The following TMOD1 variants were observed in gnomAD, a reference collection of about 807,000 sequenced individuals.
The protein encoded by TMOD1 is tropomodulin-1.
A neutral mutation model predicts 40.6 loss-of-function variants in TMOD1; 17 were observed. The observed-to-expected ratio is 0.42, with a 90% CI of 0.29 to 0.63. The LOEUF is 0.63. Among genes scored for constraint, TMOD1 ranks in the 20% least tolerant of loss-of-function variants. The probability of loss-of-function intolerance (pLI) is 0.22; values close to 1 mark genes in which losing one functional copy is unlikely to be tolerated. For missense variants in TMOD1, 391 were observed against 447.6 expected (o/e 0.87, Z 1.14); for synonymous variants, 181 against 175.0 (o/e 1.03, Z -0.27).
At chr9:97,581,583 A>G (rs1191848677) in intron 8 of TMOD1, among the ~76,000 whole-genome samples, 1 of 150,970 alleles carries the variant, frequency 6.6e-6, no homozygotes, top group African/African-American at 2.4e-5. Flanking sequence ...GACTTCCACA[A>G]TGGTTGAACT....
At chr9:97,505,624 C>G (rs1243526744) in intron 1 of TMOD1, among the ~76,000 whole-genome samples, 1 of 152,186 alleles carries the variant, frequency 6.6e-6, no homozygotes, top group African/African-American at 2.4e-5. Context: ...CTCTCACAGT[C>G]TCATTCACTC....
chr9:97,555,202 A>G (rs1003485397), intron 4 of TMOD1, among the ~76,000 whole-genome samples: 9 of 152,196 alleles, frequency 5.9e-5, no homozygotes, highest in African/African-American at 1.9e-4. Flanking sequence ...TAGATCCTCC[A>G]TTGAGCCCGT....
rs1587952139 is a variant in TMOD1, at chr9:97,574,106, C to T, written c.870+5069C>T. 3.9e-5 allele frequency among the ~76,000 whole-genome samples: 6 copies of T among 152,344 alleles called. No individual in the cohort carries two copies. In the South Asian group the frequency reaches 1.2e-3, roughly 32 times the overall value. ...TCTCGGCGCCTCCTCAGCCTTGGCG[C>T]CCACTCTGGCCGCGCTTGTGGAGCC... On this transcript the variant is annotated intron_variant, in intron 8 of 9. Transcript: ENST00000259365.
intron 2 of TMOD1, among the ~76,000 whole-genome samples, chr9:97,544,484 C>T (rs575595303): frequency 3.6e-4 from 54 of 150,594 alleles, no homozygotes; most frequent in African/African-American, 1.2e-3. Context: ...TGCATTGAGC[C>T]GAGATCACAC....
chr9:97,581,456 C>G (rs1377476282), intron 8 of TMOD1, among the ~76,000 whole-genome samples: 3 of 152,000 alleles, frequency 2.0e-5, no homozygotes, highest in Non-Finnish European at 4.4e-5. Flanking sequence ...AATAAACATA[C>G]GTGTGCAGGT....
chr9:97,577,572 G>A (rs2131278487), intron 8 of TMOD1, among the ~76,000 whole-genome samples: 1 of 152,260 alleles, frequency 6.6e-6, no homozygotes, highest in East Asian at 1.9e-4. Context: ...TGGATCACTT[G>A]AGGTCAGGAG....
At chr9:97,597,445 T>C (rs112851049) in intron 9 of TMOD1, among the ~76,000 whole-genome samples, 3,794 of 151,240 alleles carry the variant, frequency 0.025, 67 homozygotes, top group Non-Finnish European at 0.039. Flanking sequence ...ACGCCTGTAA[T>C]CCCAGCACTT....
chr9:97,566,848 GAGA>G (rs1830736758), intron 7 of TMOD1, among the ~76,000 whole-genome samples: 1 of 105,020 alleles, frequency 9.5e-6, no homozygotes, highest in Non-Finnish European at 2.3e-5. Flanking sequence ...CATATGTATT[GAGA>G]GTCTCTCTGT....
At chr9:97,579,045 C>T (rs1185401896) in intron 8 of TMOD1, among the ~76,000 whole-genome samples, 1 of 152,148 alleles carries the variant, frequency 6.6e-6, no homozygotes, top group Non-Finnish European at 1.5e-5. Context: ...CAAGGACCGA[C>T]CTGACCTCTT....
At chr9:97,559,680 G>C (rs1358385749) in intron 4 of TMOD1, among the ~76,000 whole-genome samples, 1 of 149,462 alleles carries the variant, frequency 6.7e-6, no homozygotes, top group Admixed American at 6.7e-5. Context: ...CAGGAGAATC[G>C]CTTGAGTCCG....
At chr9:97,542,867 A>G (rs1015921368) in intron 2 of TMOD1, among the ~76,000 whole-genome samples, 8 of 145,066 alleles carry the variant, frequency 5.5e-5, no homozygotes, top group Non-Finnish European at 3.0e-5. Context: ...AAAAAAAAAA[A>G]GGAAGAAAAT....
chr9:97,554,523 C>T lies in TMOD1; in HGVS notation c.397+1123C>T, dbSNP rs1259302575. 1.4e-4 allele frequency among the ~76,000 whole-genome samples: 20 copies of T among 142,818 alleles called. 1 individual carries two copies. The highest frequency in any genetic ancestry group is 1.5e-5 in the Non-Finnish European group (1 of 66,182). 93.7% of individuals were successfully genotyped at this position (142,818 alleles called of 152,430 possible). Reference sequence around the variant, plus strand: ...CAAGCTCCAGAAAGAATACATGGCCCTTGTAGAAGCCTTTGGTGGTGGGGG... The same window carrying T: ...CAAGCTCCAGAAAGAATACATGGCCTTTGTAGAAGCCTTTGGTGGTGGGGG... On this transcript the variant is annotated intron_variant, in intron 4 of 9. Coordinates refer to ENST00000259365, the MANE Select transcript of TMOD1 (RefSeq NM_003275.4).
At position 97,601,244 on chromosome 9, in the gene TMOD1, T is replaced by G; in HGVS notation, c.*1546T>G. On this transcript the variant is annotated 3_prime_UTR_variant, in exon 10 of 10. Transcript: ENST00000259365. ...AACTGCAATATAATATTAAATCTGT[T>G]GGTCTATGCATGGCTGCGTATGTGT... The G allele has an allele frequency of 8.0e-7, 1 of 1,255,388 alleles. No individual in the cohort carries two copies. The highest frequency in any genetic ancestry group is 1.0e-6 in the Non-Finnish European group (1 of 962,110). The allele number at this position is 1,255,388 out of a possible 1,614,324, so 77.8% of individuals were successfully genotyped here. A position where few individuals can be genotyped will look rare whatever the true frequency, so the allele number is the denominator to read the frequency against.
At chr9:97,521,776 C>G (rs1829920717) in intron 1 of TMOD1, among the ~76,000 whole-genome samples, 1 of 152,206 alleles carries the variant, frequency 6.6e-6, no homozygotes, top group African/African-American at 2.4e-5. Context: ...ATCAAGCCAG[C>G]TGTCATATAC....
intron 1 of TMOD1, among the ~76,000 whole-genome samples, chr9:97,511,921 G>A (rs1042538271): frequency 6.6e-6 from 1 of 152,096 alleles, no homozygotes; most frequent in African/African-American, 2.4e-5. Context: ...AAAGTTCCTT[G>A]TGCTGATCAG....
chr9:97,567,786 G>A (rs1196846202), intron 7 of TMOD1, among the ~76,000 whole-genome samples: 1 of 152,072 alleles, frequency 6.6e-6, no homozygotes, highest in East Asian at 1.9e-4. Context: ...ACTGAGGAGG[G>A]GGCGATGATT....
Position 97,565,970 on chromosome 9 carries a change from G to C in TMOD1, c.726+15G>C, listed in dbSNP as rs753432423. ...CCGTGGCGTATGTATGTACCTTTCT[G>C]TTCTGTTGCATTGTGGCTGGGGGCC... On this transcript the variant is annotated intron_variant, in intron 7 of 9. Transcript: ENST00000259365. 1 of 1,609,276 alleles carries C rather than the reference G, an allele frequency of 6.2e-7. No homozygotes were observed.
At chr9:97,566,664 C>A (rs1278763272) in intron 7 of TMOD1, among the ~76,000 whole-genome samples, 1 of 151,498 alleles carries the variant, frequency 6.6e-6, no homozygotes, top group Non-Finnish European at 1.5e-5. Flanking sequence ...GAGCGAGGCT[C>A]CATCACAAAA....
At position 97,600,533 on chromosome 9, in the gene TMOD1, C is replaced by T; in HGVS notation, c.*835C>T. On this transcript the variant is annotated 3_prime_UTR_variant, in exon 10 of 10. Transcript: ENST00000259365. ...CTTTTGAAAACACCTTTCTATATTG[C>T]ACAGTGGGCAAATGGCTTATGTGAG... 1.0e-6 allele frequency: 1 copy of T among 985,852 alleles called. No homozygotes were observed. The highest frequency in any genetic ancestry group is 1.2e-6 in the Non-Finnish European group (1 of 830,298). 61.1% of individuals were successfully genotyped at this position (985,852 alleles called of 1,614,324 possible). A position where few individuals can be genotyped will look rare whatever the true frequency, so the allele number is the denominator to read the frequency against.
Sources: gnomAD v4.1 joint callset for allele counts (sites outside exome capture counted in the v4.1 genomes callset) on GRCh38, gnomAD v4.1.1 for gene constraint, MANE v1.5 for transcripts, NCBI Gene and HGNC (gene_info 2026-07-23, HGNC 2026-07-21) for gene names.